Variants in GRIK3 observed in about 807,000 individuals in gnomAD.
The protein encoded by GRIK3 is glutamate ionotropic receptor kainate type subunit 3.
GRIK3 carries 29 observed loss-of-function variants against 102.5 expected under a neutral mutation model. The ratio of observed to expected loss-of-function variants is 0.28; its 90% CI spans 0.21 to 0.39. The LOEUF is 0.39. GRIK3 is among the 10% of genes least tolerant of loss of function. GRIK3 has a pLI of 1.00. For missense variants in GRIK3, 908 were observed against 1,252.4 expected, an observed-to-expected ratio of 0.73 and a Z score of 4.15; for synonymous variants, 511 against 504.9, an observed-to-expected ratio of 1.01 and a Z score of -0.16.
chr1:36,870,825 A>G lies in GRIK3; in HGVS notation c.733-1024T>C, dbSNP rs542816714. Among the ~76,000 whole-genome samples, 12 of 152,188 alleles carry G rather than the reference A, an allele frequency of 7.9e-5. No individual in the cohort carries two copies. In the South Asian group the frequency reaches 2.5e-3, roughly 32 times the overall value. On this transcript the variant is annotated intron_variant, in intron 4 of 15. Transcript: ENST00000373091. ...TCTCCCTGTTTCCCAGTGTGGTGAT[A>G]AATGAGGAGCTACATGGACCCGGCA...
intron 1 of GRIK3, among the ~76,000 whole-genome samples, chr1:36,896,602 C>T (rs893517668): frequency 6.6e-6 from 1 of 151,952 alleles, no homozygotes; most frequent in African/African-American, 2.4e-5. Flanking sequence ...AAAATAGAAA[C>T]AAAGAACAAG....
intron 5 of GRIK3, among the ~76,000 whole-genome samples, chr1:36,866,523 T>C (rs1300406983): frequency 6.6e-6 from 1 of 152,248 alleles, no homozygotes; most frequent in Non-Finnish European, 1.5e-5. Flanking sequence ...GGATGGGGTA[T>C]GTTGAGCACA....
intron 1 of GRIK3, among the ~76,000 whole-genome samples, chr1:36,958,441 C>CAT (rs1641953020): frequency 9.9e-5 from 10 of 101,506 alleles, no homozygotes; most frequent in Non-Finnish European, 1.6e-4. Flanking sequence ...CTCTGTGCCC[C>CAT]GAGTCTGTGT....
chr1:36,802,071 C>T (rs371891388), intron 15 of GRIK3, 26 bp from the exon 16 acceptor site: 70 of 1,559,368 alleles, frequency 4.5e-5, no homozygotes, highest in African/African-American at 3.0e-4. Flanking sequence ...GGAGAGGGGT[C>T]GGAAAAGGGG....
rs373031672 is a variant in GRIK3, at chr1:36,859,216, G to T, written c.996C>A (p.Ile332=). 1.0e-4 allele frequency: 169 copies of T among 1,613,552 alleles called. No individual in the cohort carries two copies. The highest frequency in any genetic ancestry group is 1.3e-4 in the Non-Finnish European group (152 of 1,179,654). The change falls in exon 7 of 16, where the codon ATC becomes ATA. Residue 332 remains isoleucine, a synonymous_variant. Coordinates refer to ENST00000373091, the MANE Select transcript of GRIK3 (RefSeq NM_000831.4). ...DAALLYDAVH[I]VSVCYQRAPQ... Reference sequence around the variant, plus strand: ...GTGCCCGCTGGTAGCACACGGACACGATATGGACGGCGTCGTACAGTAAGG... The same window carrying T: ...GTGCCCGCTGGTAGCACACGGACACTATATGGACGGCGTCGTACAGTAAGG...
At chr1:37,032,147 A>T (rs996355565) in intron 1 of GRIK3, among the ~76,000 whole-genome samples, 1 of 152,110 alleles carries the variant, frequency 6.6e-6, no homozygotes, top group African/African-American at 2.4e-5. Context: ...AGGCTTGGGG[A>T]TGCTCTTCCT....
chr1:36,968,902 T>G (rs1164353858), intron 1 of GRIK3, among the ~76,000 whole-genome samples: 1 of 152,158 alleles, frequency 6.6e-6, no homozygotes, highest in African/African-American at 2.4e-5. Flanking sequence ...GAATGACTCA[T>G]CCAGAGACAA....
chr1:37,033,644 C>G (rs990941910), intron 1 of GRIK3, among the ~76,000 whole-genome samples: 4 of 152,228 alleles, frequency 2.6e-5, no homozygotes, highest in Non-Finnish European at 5.9e-5. Flanking sequence ...GCGGAGAAGC[C>G]CGATCGCAGA....
intron 1 of GRIK3, among the ~76,000 whole-genome samples, chr1:36,893,747 T>C (rs888646908): frequency 1.3e-5 from 2 of 152,138 alleles, no homozygotes; most frequent in Non-Finnish European, 2.9e-5. Flanking sequence ...GGGAAGGAGA[T>C]CTAGGGACGT....
At chr1:36,892,061 C>T (rs1001232465) in intron 1 of GRIK3, among the ~76,000 whole-genome samples, 1 of 152,200 alleles carries the variant, frequency 6.6e-6, no homozygotes, top group African/African-American at 2.4e-5. Context: ...TCTTGTCGCT[C>T]AGGCTGGAGT....
At chr1:36,985,817 C>A (rs558808795) in intron 1 of GRIK3, among the ~76,000 whole-genome samples, 2 of 152,304 alleles carry the variant, frequency 1.3e-5, no homozygotes, top group African/African-American at 4.8e-5. Flanking sequence ...TGTGTGTGGG[C>A]TCCCCGTCTC....
At chr1:37,024,742 C>CAAAAAAAAA (rs11314211) in intron 1 of GRIK3, among the ~76,000 whole-genome samples, 13 of 71,032 alleles carry the variant, frequency 1.8e-4, no homozygotes, top group Non-Finnish European at 3.3e-4. Flanking sequence ...GACTCCATCT[C>CAAAAAAAAA]AAAAAAAAAA....
In GRIK3 at chr1:36,825,613, C is replaced by G. The variant is rs371012951; in HGVS notation, c.1744G>C (p.Val582Leu). The change falls in exon 11 of 16, where the codon GTC becomes CTC. Residue 582 changes from valine (V) to leucine (L), a missense_variant. Around this residue, in one of 3 missense-constraint regions of GRIK3, gnomAD observed 585 missense variants for 824.9 expected, o/e 0.71. Transcript: ENST00000373091. ...AAGGAATTGCCTTACCTGGCGATGA[C>G]GAAGAGGACACAGCTGACCCCCAGG... is the stretch of plus-strand genomic sequence containing the variant. Reference protein sequence around the residue: ...AYLGVSCVLFVIARFSPYEWY... With the variant: ...AYLGVSCVLFLIARFSPYEWY... 6.4e-7 allele frequency: 1 copy of G among 1,574,730 alleles called. No individual in the cohort carries two copies.
At chr1:36,821,954 C>A (rs1642700455) in intron 11 of GRIK3, among the ~76,000 whole-genome samples, 1 of 152,154 alleles carries the variant, frequency 6.6e-6, no homozygotes, top group Admixed American at 6.5e-5. Flanking sequence ...CCTATCATAC[C>A]ACTATACTGT....
intron 1 of GRIK3, among the ~76,000 whole-genome samples, chr1:36,986,249 C>T (rs188190791): frequency 2.4e-4 from 37 of 152,234 alleles, no homozygotes; most frequent in African/African-American, 7.9e-4. Flanking sequence ...CACAGAATGC[C>T]ATGATTCCTC....
chr1:36,801,616 C>T lies in GRIK3; in HGVS notation c.*235G>A. The T allele has an allele frequency of 2.4e-6, 1 of 413,708 alleles. No individual in the cohort carries two copies. 25.6% of individuals were successfully genotyped at this position (413,708 alleles called of 1,614,324 possible). ...AGGCATGTGCTTCCTTTGGCCTTGGCTATCTCGGCTGGCAGCTTTAGAAAC... is the reference window on the plus strand; with the variant it reads ...AGGCATGTGCTTCCTTTGGCCTTGGTTATCTCGGCTGGCAGCTTTAGAAAC... On this transcript the variant is annotated 3_prime_UTR_variant, in exon 16 of 16. Coordinates refer to ENST00000373091, the MANE Select transcript of GRIK3 (RefSeq NM_000831.4).
intron 1 of GRIK3, among the ~76,000 whole-genome samples, chr1:36,897,451 C>T (rs781458344): frequency 1.1e-4 from 16 of 152,204 alleles, no homozygotes; most frequent in Admixed American, 2.0e-4. Flanking sequence ...CTTGTACCTG[C>T]TCAATGAAAA....
intron 13 of GRIK3, among the ~76,000 whole-genome samples, chr1:36,813,839 A>G (rs1642591411): frequency 6.6e-6 from 1 of 152,126 alleles, no homozygotes; most frequent in South Asian, 2.1e-4. Context: ...CCAATATGTA[A>G]CAGTCCCATT....
At position 36,865,545 on chromosome 1, in the gene GRIK3, A is replaced by G. The variant is rs529231583; in HGVS notation, c.786+4203T>C. 2.8e-3 allele frequency among the ~76,000 whole-genome samples: 434 copies of G among 152,316 alleles called. 3 individuals are homozygous for G. The highest frequency in any genetic ancestry group is 0.01 in the African/African-American group (419 of 41,570). ...GATATGACTGAGGGAGAGGACCAGG[A>G]GCACAGCTGGTGCTCCAACCGATGG... On this transcript the variant is annotated intron_variant, in intron 5 of 15. Coordinates refer to ENST00000373091, the MANE Select transcript of GRIK3 (RefSeq NM_000831.4).
Sources: allele counts gnomAD v4.1 joint callset (sites outside exome capture counted in the v4.1 genomes callset), GRCh38; gene constraint gnomAD v4.1.1; regional missense constraint gnomAD v4.1.1; transcripts MANE v1.5; gene names NCBI Gene and HGNC (gene_info 2026-07-23, HGNC 2026-07-21).